The following FBXL5 variants were observed in gnomAD, a reference collection of about 807,000 sequenced individuals.
The protein encoded by FBXL5 is F-box and leucine rich repeat protein 5, also known as F-box/LRR-repeat protein 5.
FBXL5 carries 26 observed loss-of-function variants against 78.3 expected under a neutral mutation model. That is an observed-to-expected ratio of 0.33 (90% CI 0.24 to 0.46). The LOEUF is 0.46. Ranked by LOEUF, FBXL5 falls within the 20% of genes least tolerant of loss-of-function variation. The probability of loss-of-function intolerance (pLI) is 1.00; values close to 1 mark genes in which losing one functional copy is unlikely to be tolerated. For missense variants in FBXL5, 710 were observed against 829.2 expected (o/e 0.86, Z 1.77); for synonymous variants, 295 against 282.5 (o/e 1.04, Z -0.45).
rs1032150751 is a variant in FBXL5, at chr4:15,604,547, G to T, written c.*1176C>A. On this transcript the variant is annotated 3_prime_UTR_variant, in exon 11 of 11. Coordinates refer to ENST00000341285, the MANE Select transcript of FBXL5 (RefSeq NM_012161.4). Reference sequence around the variant, plus strand: ...TCACAATATACGAGACATGAAAGGAGAAGTTTTATTGGAAACATGGCACCA... The same window carrying T: ...TCACAATATACGAGACATGAAAGGATAAGTTTTATTGGAAACATGGCACCA... 6.6e-6 allele frequency: 1 copy of T among 152,160 alleles called. No individual in the cohort carries two copies. The highest frequency in any genetic ancestry group is 1.5e-5 in the Non-Finnish European group (1 of 68,032). The allele number at this position is 152,160 out of a possible 1,614,324, so 9.4% of individuals were successfully genotyped here. A position where few individuals can be genotyped will look rare whatever the true frequency, so the allele number is the denominator to read the frequency against.
chr4:15,674,143 A>G (rs1717874282), intron 1 of FBXL5, among the ~76,000 whole-genome samples: 1 of 152,072 alleles, frequency 6.6e-6, no homozygotes, highest in African/African-American at 2.4e-5. Flanking sequence ...AGAATAGGAA[A>G]TATTGTAGCT....
intron 6 of FBXL5, 129 bp downstream of exon 6, chr4:15,630,537 T>A: frequency 1.3e-6 from 1 of 748,774 alleles, no homozygotes; most frequent in African/African-American, 1.8e-5. Context: ...TTTTAAAAAG[T>A]AGTAGGCTTA....
intron 1 of FBXL5, among the ~76,000 whole-genome samples, chr4:15,650,387 G>C (rs1715855848): frequency 6.6e-6 from 1 of 152,120 alleles, no homozygotes; most frequent in African/African-American, 2.4e-5. Flanking sequence ...TCTCTTATCT[G>C]TGATGTACTC....
Position 15,644,572 on chromosome 4 carries a change from T to A in FBXL5, c.221A>T (p.Gln74Leu). 1 of 1,614,166 alleles carries A rather than the reference T, an allele frequency of 6.2e-7. No individual in the cohort carries two copies. The highest frequency in any genetic ancestry group is 8.5e-7 in the Non-Finnish European group (1 of 1,180,008). The change falls in exon 2 of 11, where the codon CAG (glutamine) becomes CTG (leucine). Residue 74 changes from glutamine to leucine, a missense_variant. Transcript: ENST00000341285. ...YIIGLLQQRS[Q>L]TIYNVHSDNK... ...GTCAGAATGTACATTATAAATGGTCTGGCTGCGTTGTTGAAGCAAACCAAT... is the reference window on the plus strand; with the variant it reads ...GTCAGAATGTACATTATAAATGGTCAGGCTGCGTTGTTGAAGCAAACCAAT...
intron 1 of FBXL5, among the ~76,000 whole-genome samples, chr4:15,668,472 T>G (rs973236134): frequency 1.7e-4 from 26 of 151,160 alleles, no homozygotes; most frequent in Middle Eastern, 6.8e-3. Flanking sequence ...TTTTTTTTTG[T>G]ACTTGGTTTT....
upstream of FBXL5, among the ~76,000 whole-genome samples, chr4:15,664,015 T>G (rs1717425660): frequency 6.6e-6 from 1 of 152,132 alleles, no homozygotes; most frequent in African/African-American, 2.4e-5. Context: ...GATGAAAAAC[T>G]TAAAGAAGCT....
intron 1 of FBXL5, among the ~76,000 whole-genome samples, chr4:15,680,670 CG>C (rs1388993150): frequency 1.3e-5 from 2 of 151,060 alleles, no homozygotes; most frequent in Non-Finnish European, 2.9e-5. Context: ...AGTGAGACTC[CG>C]TCTCAAAAAT....
intron 1 of FBXL5, among the ~76,000 whole-genome samples, chr4:15,666,693 G>A (rs906343468): frequency 6.6e-6 from 1 of 152,040 alleles, no homozygotes; most frequent in African/African-American, 2.4e-5. Context: ...TTAGCCAGGT[G>A]TGGTGGTGTG....
At chr4:15,636,875 A>G (rs1418578487) in intron 4 of FBXL5, among the ~76,000 whole-genome samples, 199 bp from the exon 5 acceptor site, 2 of 152,212 alleles carry the variant, frequency 1.3e-5, no homozygotes, top group Non-Finnish European at 2.9e-5. Flanking sequence ...TTAAACTATC[A>G]TGGCCCAAAT....
intron 1 of FBXL5, among the ~76,000 whole-genome samples, chr4:15,678,375 T>C (rs1249633334): frequency 6.6e-6 from 1 of 152,242 alleles, no homozygotes; most frequent in Non-Finnish European, 1.5e-5. Flanking sequence ...CATTGCTGTT[T>C]ACCTCAGTAT....
upstream of FBXL5, among the ~76,000 whole-genome samples, chr4:15,655,835 T>C (rs961447686): frequency 1.3e-5 from 2 of 152,156 alleles, no homozygotes; most frequent in Non-Finnish European, 2.9e-5. Context: ...GTGCCAGATT[T>C]TTCCTGGGGC....
At chr4:15,655,088 C>T in intron 1 of FBXL5, 116 bp downstream of exon 1, 1 of 795,052 alleles carries the variant, frequency 1.3e-6, no homozygotes, top group Non-Finnish European at 1.6e-6. Context: ...GGCGGCTACT[C>T]GCGCGGCGAC....
rs1713546543 is a variant in FBXL5 at position 15,630,780 on chromosome 4, T to G, written c.778A>C (p.Ser260Arg). ...GTATCAAGTTCAGTTGCGGGACCAC[T>G]ATACCAGTCACCTACTCAATGAATA... ...PVHWARGDWY[S>R]GPATELDTEP... is the part of the protein sequence containing the mutation. The change falls in exon 6 of 11, where the codon AGT becomes CGT. Residue 260 changes from serine to arginine, a missense_variant. Ser to Arg is a moderately radical substitution (Grantham distance 110). This residue lies in a region of FBXL5 where 517 missense variants were observed against 542.9 expected (regional missense o/e 0.95). Coordinates refer to ENST00000341285, the MANE Select transcript of FBXL5 (RefSeq NM_012161.4). 6.2e-7 allele frequency: 1 copy of G among 1,613,288 alleles called. No individual in the cohort carries two copies. The highest frequency in any genetic ancestry group is 8.5e-7 in the Non-Finnish European group (1 of 1,179,702).
chr4:15,649,497 T>A (rs1221866775), intron 1 of FBXL5, among the ~76,000 whole-genome samples: 1 of 150,126 alleles, frequency 6.7e-6, no homozygotes, highest in Non-Finnish European at 1.5e-5. Context: ...GAAGAATTGC[T>A]TGAACCCGGG....
At chr4:15,636,451 C>G in intron 5 of FBXL5, 43 bp downstream of exon 5, 1 of 1,401,912 alleles carries the variant, frequency 7.1e-7, no homozygotes, top group Non-Finnish European at 9.5e-7. Flanking sequence ...GAATATTCAT[C>G]TAGAAAAATA....
At chr4:15,661,037 A>C (rs970306721), upstream of FBXL5, among the ~76,000 whole-genome samples, 2 of 152,172 alleles carry the variant, frequency 1.3e-5, no homozygotes, top group Non-Finnish European at 2.9e-5. Flanking sequence ...AGTTTGAGCC[A>C]CTGCACTCCA....
chr4:15,635,351 T>C (rs1281214945), intron 5 of FBXL5, among the ~76,000 whole-genome samples: 2 of 151,452 alleles, frequency 1.3e-5, no homozygotes, highest in Admixed American at 6.6e-5. Flanking sequence ...AAAAGTGCTA[T>C]ACATTATTAT....
intron 8 of FBXL5, among the ~76,000 whole-genome samples, chr4:15,626,531 G>A (rs1713080810): frequency 6.6e-6 from 1 of 152,256 alleles, no homozygotes; most frequent in Admixed American, 6.5e-5. Flanking sequence ...CAGAGTAACT[G>A]TGAAGAATCT....
At chr4:15,650,962 G>A (rs1715956076) in intron 1 of FBXL5, among the ~76,000 whole-genome samples, 1 of 152,054 alleles carries the variant, frequency 6.6e-6, no homozygotes. Flanking sequence ...ACATTCTACA[G>A]TGATAAATCA....
Sources: gnomAD v4.1 joint callset for allele counts (sites outside exome capture counted in the v4.1 genomes callset) on GRCh38, gnomAD v4.1.1 for gene constraint, gnomAD v4.1.1 regional missense constraint, MANE v1.5 for transcripts, NCBI Gene and HGNC (gene_info 2026-07-23, HGNC 2026-07-21) for gene names.